Variants in SETD3 observed in about 807,000 individuals in gnomAD.
SETD3 encodes actin-histidine N-methyltransferase.
In SETD3, 19 loss-of-function variants were observed where a neutral mutation model predicts 63.0. That is an observed-to-expected ratio of 0.30 (90% CI 0.21 to 0.44). The LOEUF is 0.44. Ranked by LOEUF, SETD3 falls within the 20% of genes least tolerant of loss-of-function variation. SETD3 has a pLI of 1.00. For synonymous variants in SETD3, 286 were observed against 264.1 expected, an observed-to-expected ratio of 1.08 and a Z score of -0.80; for missense variants, 587 against 728.5, an observed-to-expected ratio of 0.81 and a Z score of 2.24.
intron 1 of SETD3, among the ~76,000 whole-genome samples, chr14:99,471,247 GA>G (rs983082031): frequency 1.3e-5 from 2 of 152,200 alleles, no homozygotes; most frequent in African/African-American, 4.8e-5. Flanking sequence ...AAAATCTTTG[GA>G]TAGTATATTT....
chr14:99,433,646 C>G (rs1893307103), intron 6 of SETD3, among the ~76,000 whole-genome samples: 1 of 152,060 alleles, frequency 6.6e-6, no homozygotes, highest in African/African-American at 2.4e-5. Context: ...ACCATGTTAG[C>G]CAGGATGGTC....
intron 12 of SETD3, 34 bp from the exon 13 acceptor site, chr14:99,399,159 T>A (rs1385007654): frequency 6.3e-7 from 1 of 1,590,828 alleles, no homozygotes; most frequent in Admixed American, 1.7e-5. Flanking sequence ...TTACAAGAAG[T>A]CTAAACCAGC....
At chr14:99,424,291 G>C (rs909671056) in intron 6 of SETD3, among the ~76,000 whole-genome samples, 11 of 152,186 alleles carry the variant, frequency 7.2e-5, no homozygotes, top group African/African-American at 2.7e-4. Flanking sequence ...ACATTCGGGG[G>C]ACAGGAATGG....
At chr14:99,434,846 T>TTAAAAAAAAAAA (rs1566706239) in intron 6 of SETD3, among the ~76,000 whole-genome samples, 1 of 18,900 alleles carries the variant, frequency 5.3e-5, no homozygotes, top group African/African-American at 3.0e-4. Context: ...AAACTCTGCC[T>TTAAAAAAAAAAA]CAAAAAAAAA....
chr14:99,463,721 T>C, intron 2 of SETD3, 143 bp from the exon 3 acceptor site: 1 of 658,176 alleles, frequency 1.5e-6, no homozygotes, highest in South Asian at 1.9e-5. Context: ...ACAGCCATGA[T>C]AATGAATGTG....
intron 12 of SETD3, among the ~76,000 whole-genome samples, chr14:99,399,853 C>A (rs1272914093): frequency 6.8e-6 from 1 of 146,874 alleles, no homozygotes; most frequent in Non-Finnish European, 1.5e-5. Context: ...TGGGTTCAAG[C>A]GATTCTCCTG....
At chr14:99,461,556 T>G (rs1265216600) in intron 3 of SETD3, among the ~76,000 whole-genome samples, 2 of 152,158 alleles carry the variant, frequency 1.3e-5, no homozygotes, top group African/African-American at 2.4e-5. Flanking sequence ...TCAGTTACAG[T>G]GAAATATATA....
intron 10 of SETD3, 145 bp downstream of exon 10, chr14:99,405,060 T>C (rs1891605719): frequency 5.2e-6 from 6 of 1,158,612 alleles, no homozygotes; most frequent in Non-Finnish European, 7.1e-6. Context: ...AGCGTCGCCA[T>C]GGCTTAAATT....
rs549117437 is a variant in SETD3 at position 99,467,886 on chromosome 14, C to T, written c.-8-2073G>A. 2.0e-4 allele frequency among the ~76,000 whole-genome samples: 30 copies of T among 152,296 alleles called. No homozygotes were observed. The East Asian group carries it at 2.5e-3, about 13-fold the overall frequency. On this transcript the variant is annotated intron_variant, in intron 1 of 12. Coordinates refer to ENST00000331768, the MANE Select transcript of SETD3 (RefSeq NM_032233.3). ...CACCTCCTCCAAAGTCTTCTCTCAG[C>T]TATCCACCCAACTCCAGTTGCTCAT...
intron 5 of SETD3, among the ~76,000 whole-genome samples, chr14:99,458,800 G>C (rs1242100946): frequency 7.3e-6 from 1 of 136,758 alleles, no homozygotes; most frequent in African/African-American, 2.8e-5. Flanking sequence ...AAAAAAATTA[G>C]CCAGATGTAG....
chr14:99,441,938 G>A lies in SETD3; in HGVS notation c.675+16341C>T, dbSNP rs146321402. ...GTGGCCAGGACTGGGTGATGGAGTC[G>A]TGGCTAAGGAAAATGTATCTAAAGT... is the stretch of plus-strand genomic sequence containing the variant. On this transcript the variant is annotated intron_variant, in intron 6 of 12. Coordinates refer to ENST00000331768, the MANE Select transcript of SETD3 (RefSeq NM_032233.3). Among the ~76,000 whole-genome samples, 7 of 152,342 alleles carry A rather than the reference G, an allele frequency of 4.6e-5. No individual in the cohort carries two copies. The East Asian group carries it at 1.2e-3, about 25-fold the overall frequency.
chr14:99,448,428 G>T (rs573847165), intron 6 of SETD3, among the ~76,000 whole-genome samples: 1 of 152,214 alleles, frequency 6.6e-6, no homozygotes, highest in African/African-American at 2.4e-5. Flanking sequence ...GAAAAGAGCC[G>T]CTCCGACAGA....
Position 99,405,261 on chromosome 14 carries a change from T to C in SETD3, c.1035A>G (p.Lys345=), listed in dbSNP as rs34992714. The change falls in exon 10 of 13, where the codon AAA becomes AAG. Residue 345 remains lysine, a synonymous_variant. Transcript: ENST00000331768. ...DRVKIKLGVS[K]SDRLYAMKAE... Reference sequence around the variant, plus strand: ...CCTTCATGGCGTAGAGTCTGTCACTTTTACTCACTCCAAGCTTTATTTTCA... The same window carrying C: ...CCTTCATGGCGTAGAGTCTGTCACTCTTACTCACTCCAAGCTTTATTTTCA... 1.2e-3 allele frequency: 1,975 copies of C among 1,614,198 alleles called. 27 individuals are homozygous for C. The African/African-American group carries it at 0.022, about 18-fold the overall frequency.
chr14:99,425,805 C>A (rs976069867), intron 6 of SETD3, among the ~76,000 whole-genome samples: 14 of 151,838 alleles, frequency 9.2e-5, no homozygotes, highest in African/African-American at 3.4e-4. Context: ...GAATCTACTG[C>A]AAAAAGAAAA....
At chr14:99,470,188 T>C (rs1895621069) in intron 1 of SETD3, among the ~76,000 whole-genome samples, 1 of 152,164 alleles carries the variant, frequency 6.6e-6, no homozygotes, top group African/African-American at 2.4e-5. Context: ...CTGGCAAGAT[T>C]TTTCACATAC....
At chr14:99,455,425 C>T (rs540535141) in intron 6 of SETD3, among the ~76,000 whole-genome samples, 1 of 152,296 alleles carries the variant, frequency 6.6e-6, no homozygotes, top group South Asian at 2.1e-4. Context: ...GTATTTGTAT[C>T]CTTAATAAGT....
intron 1 of SETD3, among the ~76,000 whole-genome samples, chr14:99,472,873 G>A (rs1026825742): frequency 1.3e-5 from 2 of 152,066 alleles, no homozygotes; most frequent in Non-Finnish European, 2.9e-5. Context: ...AAGAAAATAC[G>A]AAGAGTAGCA....
chr14:99,411,612 G>A (rs1891996180), intron 8 of SETD3: 1 of 151,890 alleles, frequency 6.6e-6, no homozygotes, highest in African/African-American at 2.4e-5. Flanking sequence ...TTGAGTTTGG[G>A]AACAAATGAT....
At chr14:99,433,335 T>G (rs913797763) in intron 6 of SETD3, among the ~76,000 whole-genome samples, 1 of 152,190 alleles carries the variant, frequency 6.6e-6, no homozygotes, top group Non-Finnish European at 1.5e-5. Flanking sequence ...CACACTGGAT[T>G]TCCAAAACTT....
Sources: allele counts gnomAD v4.1 joint callset (sites outside exome capture counted in the v4.1 genomes callset), GRCh38; gene constraint gnomAD v4.1.1; transcripts MANE v1.5; gene names NCBI Gene and HGNC (gene_info 2026-07-23, HGNC 2026-07-21).